Variants in ITGA8 observed in about 807,000 individuals in gnomAD.
The protein encoded by ITGA8 is integrin alpha-8.
In ITGA8, 91 loss-of-function variants were observed where a neutral mutation model predicts 142.3. That is an observed-to-expected ratio of 0.64 (90% confidence interval 0.54 to 0.76). The LOEUF (loss-of-function observed/expected upper bound fraction) is 0.76, where lower values mean the gene tolerates loss of function less well. Among genes scored for constraint, ITGA8 ranks in the 30% least tolerant of loss-of-function variants. The probability of loss-of-function intolerance (pLI) is 0.00; values close to 1 mark genes in which losing one functional copy is unlikely to be tolerated. For missense variants in ITGA8, 1,406 were observed against 1,327.7 expected (o/e 1.06, Z -0.92); for synonymous variants, 505 against 485.2 (o/e 1.04, Z -0.54).
chr10:15,644,441 T>C (rs1307327295), intron 12 of ITGA8, among the ~76,000 whole-genome samples: 55 of 280 alleles, frequency 0.2, no homozygotes, highest in East Asian at 0.5. Flanking sequence ...CTAATATATA[T>C]ATATATATAT....
At chr10:15,521,773 G>A (rs188703193) in intron 28 of ITGA8, among the ~76,000 whole-genome samples, 1 of 152,292 alleles carries the variant, frequency 6.6e-6, no homozygotes, top group East Asian at 1.9e-4. Context: ...TTCATACGTC[G>A]AAGAAATCAA....
Position 15,719,892 on chromosome 10 carries a change from G to GA in ITGA8, c.-122_-121insT. 1.7e-5 allele frequency: 13 copies of GA among 753,362 alleles called. No individual in the cohort carries two copies. Among genetic ancestry groups the GA allele is most frequent in the South Asian group, 5.0e-5 (1 of 20,052 alleles). The allele number at this position is 753,362 out of a possible 1,614,324, so 46.7% of individuals were successfully genotyped here. ...GCCCGTGTCCCGGGTCGGTGCGCTCGGCGCACCCGTGGTGACAGTGCCCGG... is the reference window on the plus strand; with the variant it reads ...GCCCGTGTCCCGGGTCGGTGCGCTCGAGCGCACCCGTGGTGACAGTGCCCGG... On this transcript the variant is annotated 5_prime_UTR_variant, in exon 1 of 30. Transcript: ENST00000378076.
chr10:15,602,635 G>T (rs1833124320), intron 20 of ITGA8, among the ~76,000 whole-genome samples: 1 of 152,008 alleles, frequency 6.6e-6, no homozygotes, highest in African/African-American at 2.4e-5. Context: ...CTACTCAGGA[G>T]GCTGAGATGA....
intron 25 of ITGA8, among the ~76,000 whole-genome samples, chr10:15,560,807 A>G (rs937713708): frequency 5.3e-5 from 8 of 152,266 alleles, no homozygotes; most frequent in South Asian, 2.1e-4. Context: ...GCAGTCCTCA[A>G]AGTGTTAGAG....
At chr10:15,517,737 G>A (rs549328928) in intron 29 of ITGA8, among the ~76,000 whole-genome samples, 1 of 152,372 alleles carries the variant, frequency 6.6e-6, no homozygotes, top group Admixed American at 6.5e-5. Context: ...TTATTGCATA[G>A]GCAAGGTGAG....
At chr10:15,696,446 A>T (rs1835053922) in intron 2 of ITGA8, among the ~76,000 whole-genome samples, 1 of 152,196 alleles carries the variant, frequency 6.6e-6, no homozygotes, top group Admixed American at 6.5e-5. Context: ...CAATAGAAAA[A>T]AATTTCTAAG....
intron 8 of ITGA8, among the ~76,000 whole-genome samples, chr10:15,661,301 TCTAA>T (rs1487040091): frequency 1.3e-5 from 2 of 152,130 alleles, no homozygotes; most frequent in African/African-American, 4.8e-5. Flanking sequence ...CTCTTGAGAA[TCTAA>T]CTAATGCCTG....
chr10:15,661,044 A>G (rs903891559), intron 8 of ITGA8, 122 bp from the exon 9 acceptor site: 4 of 879,808 alleles, frequency 4.5e-6, no homozygotes, highest in Non-Finnish European at 7.2e-6. Flanking sequence ...CATACAGAGC[A>G]GGGGTCCCCA....
chr10:15,634,041 G>A lies in ITGA8; in HGVS notation c.1399+9989C>T, dbSNP rs144870452. ...ATGTAATCTCAGGGTCTTTGCTCAT[G>A]CTGTGTTCCCCTTCTGAGATGCTTT... On this transcript the variant is annotated intron_variant, in intron 13 of 29. Coordinates refer to ENST00000378076, the MANE Select transcript of ITGA8 (RefSeq NM_003638.3). Among the ~76,000 whole-genome samples the A allele has an allele frequency of 3.1e-4, 47 of 152,240 alleles. No individual in the cohort carries two copies. In the East Asian group the frequency reaches 8.3e-3, roughly 27 times the overall value.
At chr10:15,620,538 G>C (rs10508490) in intron 13 of ITGA8, among the ~76,000 whole-genome samples, 28,114 of 152,120 alleles carry the variant, frequency 0.18, 3,310 homozygotes, top group Admixed American at 0.3. Flanking sequence ...TTCTTCATGA[G>C]AATGTGGTCA....
intron 28 of ITGA8, among the ~76,000 whole-genome samples, chr10:15,524,517 G>A (rs1002755103): frequency 1.3e-5 from 2 of 152,262 alleles, no homozygotes; most frequent in South Asian, 2.1e-4. Flanking sequence ...TATATGTCTC[G>A]GCAAGAGAGG....
chr10:15,647,940 A>G (rs1356448561), intron 11 of ITGA8, among the ~76,000 whole-genome samples: 1 of 152,198 alleles, frequency 6.6e-6, no homozygotes, highest in African/African-American at 2.4e-5. Context: ...AGATTATAGC[A>G]AAAAACTAAT....
chr10:15,593,924 C>G (rs923264707), intron 21 of ITGA8, among the ~76,000 whole-genome samples: 24 of 151,622 alleles, frequency 1.6e-4, no homozygotes, highest in African/African-American at 5.8e-4. Flanking sequence ...TCACTGCAAC[C>G]TCCACCTCCC....
intron 27 of ITGA8, among the ~76,000 whole-genome samples, chr10:15,539,977 A>C (rs1368817344): frequency 6.6e-6 from 1 of 151,996 alleles, no homozygotes; most frequent in African/African-American, 2.4e-5. Flanking sequence ...TCCCCTGCAC[A>C]TGCTCTCTTG....
intron 11 of ITGA8, among the ~76,000 whole-genome samples, chr10:15,651,300 G>A (rs1159609086): frequency 1.3e-5 from 2 of 152,068 alleles, no homozygotes; most frequent in East Asian, 1.9e-4. Context: ...TTACATTGAC[G>A]GAGTTTGTAG....
At chr10:15,614,499 A>C (rs568397449) in intron 14 of ITGA8, among the ~76,000 whole-genome samples, 2 of 152,348 alleles carry the variant, frequency 1.3e-5, no homozygotes, top group Admixed American at 6.5e-5. Context: ...TATGTAGCCA[A>C]ATTTGAGGAG....
intron 13 of ITGA8, among the ~76,000 whole-genome samples, chr10:15,622,359 C>CT (rs5783460): frequency 0.69 from 103,916 of 151,408 alleles, 36,811 homozygotes; most frequent in South Asian, 0.86. Flanking sequence ...TGGACATCTT[C>CT]TTTTTTTTGG....
intron 2 of ITGA8, among the ~76,000 whole-genome samples, chr10:15,709,640 C>T (rs1360961550): frequency 3.3e-5 from 5 of 152,076 alleles, no homozygotes; most frequent in African/African-American, 1.2e-4. Flanking sequence ...TTCCTACGGG[C>T]TCTTATAACA....
chr10:15,601,919 G>T (rs4748183), intron 20 of ITGA8, among the ~76,000 whole-genome samples: 1 of 152,144 alleles, frequency 6.6e-6, no homozygotes, highest in Non-Finnish European at 1.5e-5. Flanking sequence ...GCTTAGTCAC[G>T]TAAAATTCAA....
Sources: gnomAD v4.1 joint callset for allele counts (sites outside exome capture counted in the v4.1 genomes callset) on GRCh38, gnomAD v4.1.1 for gene constraint, MANE v1.5 for transcripts, NCBI Gene and HGNC (gene_info 2026-07-23, HGNC 2026-07-21) for gene names.